Variants in CRISPLD1 observed in about 807,000 individuals in gnomAD.
CRISPLD1 encodes cysteine rich secretory protein LCCL domain containing 1.
CRISPLD1 carries 60 observed loss-of-function variants against 77.5 expected under a neutral mutation model. That is an observed-to-expected ratio of 0.77 (90% CI 0.63 to 0.96). The LOEUF (loss-of-function observed/expected upper bound fraction) is 0.96. CRISPLD1 is among the 40% of genes least tolerant of loss of function. The pLI is 0.00. For missense variants in CRISPLD1, 623 were observed against 615.8 expected, an observed-to-expected ratio of 1.01 and a Z score of -0.12; for synonymous variants, 195 against 200.1, an observed-to-expected ratio of 0.97 and a Z score of 0.22.
chr8:75,017,380 G>T lies in CRISPLD1; in HGVS notation c.1057G>T (p.Val353Leu). ...TATAATAGACAATGATGGTGGCTGG[G>T]TAGATATCACTAGACAAGGAAGAAA... is the stretch of plus-strand genomic sequence containing the variant. ...YGIIDNDGGW[V>L]DITRQGRKHY... Residue 353 changes from valine (V) to leucine (L), a missense_variant, in exon 10 of 15, where the codon GTA (valine) becomes TTA (leucine). By Grantham distance (32) the Val-to-Leu change is conservative (BLOSUM62 1). Coordinates refer to ENST00000262207, the MANE Select transcript of CRISPLD1 (RefSeq NM_031461.6). 1 of 1,611,132 alleles carries T rather than the reference G, an allele frequency of 6.2e-7. No homozygotes were observed. The highest frequency in any genetic ancestry group is 8.5e-7 in the Non-Finnish European group (1 of 1,178,506).
intron 4 of CRISPLD1, 56 bp from the exon 5 acceptor site, chr8:75,013,931 G>C: frequency 9.0e-7 from 1 of 1,112,510 alleles, no homozygotes; most frequent in Non-Finnish European, 1.4e-6. Context: ...TCTCAGAAGT[G>C]TTGTCCTATT....
chr8:75,015,029 ACTCTATTT>A (rs1813004256), intron 6 of CRISPLD1, 117 bp downstream of exon 6: 1 of 492,920 alleles, frequency 2.0e-6, no homozygotes, highest in Non-Finnish European at 3.6e-6. Flanking sequence ...AGTATCTAGA[ACTCTATTT>A]CAAATATTTT....
intron 13 of CRISPLD1, 47 bp downstream of exon 13, chr8:75,025,668 A>ACATG: frequency 1.0e-6 from 1 of 967,674 alleles, no homozygotes; most frequent in Non-Finnish European, 1.7e-6. Flanking sequence ...GTATATATAT[A>ACATG]AATGTATAGA....
chr8:75,030,814 G>A (rs1242113132), intron 14 of CRISPLD1, among the ~76,000 whole-genome samples: 1 of 151,250 alleles, frequency 6.6e-6, no homozygotes, highest in Non-Finnish European at 1.5e-5. Context: ...ATATGTGTAT[G>A]TGTATGTATA....
At position 75,019,818 on chromosome 8, in the gene CRISPLD1, G is replaced by C. The variant is rs957103539; in HGVS notation, c.1128-52G>C. ...CTTGAAAGATACCAGAAATGATGCT[G>C]CTGCTGATGCCTATATGAAAATAAT... is the stretch of plus-strand genomic sequence containing the variant. On this transcript the variant is annotated intron_variant, in intron 10 of 14. Coordinates refer to ENST00000262207, the MANE Select transcript of CRISPLD1 (RefSeq NM_031461.6). 2.1e-6 allele frequency: 3 copies of C among 1,398,380 alleles called. No homozygotes were observed. In the African/African-American group the frequency reaches 4.3e-5, roughly 20 times the overall value. 86.6% of individuals were successfully genotyped at this position (1,398,380 alleles called of 1,614,324 possible).
intron 4 of CRISPLD1, among the ~76,000 whole-genome samples, chr8:75,013,610 C>T (rs1443269862): frequency 6.6e-6 from 1 of 152,066 alleles, no homozygotes; most frequent in Non-Finnish European, 1.5e-5. Flanking sequence ...GAAATCTGAA[C>T]ATGTAAATTT....
intron 10 of CRISPLD1, among the ~76,000 whole-genome samples, chr8:75,018,597 G>T (rs1813078599): frequency 6.6e-6 from 1 of 150,384 alleles, no homozygotes; most frequent in African/African-American, 2.5e-5. Flanking sequence ...GGCTTATACA[G>T]TCTTATTAAA....
intron 2 of CRISPLD1, among the ~76,000 whole-genome samples, chr8:74,999,302 A>G (rs1033348713): frequency 6.6e-6 from 1 of 152,234 alleles, no homozygotes; most frequent in Non-Finnish European, 1.5e-5. Flanking sequence ...GACACAGTCT[A>G]TTTAGTAAGC....
At chr8:75,018,904 G>T (rs1587023712) in intron 10 of CRISPLD1, among the ~76,000 whole-genome samples, 1 of 152,092 alleles carries the variant, frequency 6.6e-6, no homozygotes, top group Non-Finnish European at 1.5e-5. Flanking sequence ...AAGTTCTATA[G>T]AAATATTCAT....
intron 2 of CRISPLD1, among the ~76,000 whole-genome samples, chr8:75,002,793 T>C (rs1563394732): frequency 6.6e-6 from 1 of 152,138 alleles, no homozygotes; most frequent in East Asian, 1.9e-4. Context: ...TAACTCAGTA[T>C]GTGGAGCTAT....
Position 75,032,358 on chromosome 8 carries a change from G to A in CRISPLD1, c.*116G>A, listed in dbSNP as rs1587036175. 5.1e-6 allele frequency: 3 copies of A among 590,406 alleles called. No homozygotes were observed. The highest frequency in any genetic ancestry group is 6.3e-5 in the East Asian group (2 of 31,928). 36.6% of individuals were successfully genotyped at this position (590,406 alleles called of 1,614,324 possible). ...CATCAACTATTTTCAGCCCAAAAAGGTGCCAAATGCATATAAATCTTGATA... is the reference window on the plus strand; with the variant it reads ...CATCAACTATTTTCAGCCCAAAAAGATGCCAAATGCATATAAATCTTGATA... On this transcript the variant is annotated 3_prime_UTR_variant, in exon 15 of 15. Coordinates refer to ENST00000262207, the MANE Select transcript of CRISPLD1 (RefSeq NM_031461.6).
chr8:74,990,586 TTA>T (rs1041926594), intron 2 of CRISPLD1, among the ~76,000 whole-genome samples: 10 of 146,348 alleles, frequency 6.8e-5, no homozygotes, highest in Admixed American at 3.3e-4. Flanking sequence ...AGCTTCATTT[TTA>T]TGTTTCCTAC....
At chr8:75,014,422 G>A (rs1812991208) in intron 5 of CRISPLD1, among the ~76,000 whole-genome samples, 1 of 152,076 alleles carries the variant, frequency 6.6e-6, no homozygotes, top group Non-Finnish European at 1.5e-5. Flanking sequence ...ATTGAGAAAT[G>A]TATTTTCATC....
chr8:75,029,782 T>C lies in CRISPLD1; in HGVS notation c.1451+265T>C, dbSNP rs144259389. On this transcript the variant is annotated intron_variant, in intron 14 of 14. Transcript: ENST00000262207. ...TCAGAACTACTCTTTTGTTAATTAGTCTTATAATTAGGAACTTTCTTTCAT... is the reference window on the plus strand; with the variant it reads ...TCAGAACTACTCTTTTGTTAATTAGCCTTATAATTAGGAACTTTCTTTCAT... Among the ~76,000 whole-genome samples the C allele has an allele frequency of 6.6e-5, 10 of 152,264 alleles. No individual in the cohort carries two copies. The East Asian group carries it at 1.9e-3, about 29-fold the overall frequency.
intron 12 of CRISPLD1, among the ~76,000 whole-genome samples, chr8:75,024,290 G>C (rs1813194649): frequency 6.6e-6 from 1 of 151,620 alleles, no homozygotes; most frequent in Non-Finnish European, 1.5e-5. Context: ...ATTTGGAGCA[G>C]AGGAATGATG....
chr8:75,029,452 T>TG lies in CRISPLD1; in HGVS notation c.1387dup (p.Val463GlyfsTer61), dbSNP rs1563404594. ...TTCGAAATCACGGTGGTTATGTTGA[T>TG]GTAATGCCTGTGGACAAAAGAAAGA... On this transcript the variant is annotated frameshift_variant, in exon 14 of 15. Coordinates refer to ENST00000262207, the MANE Select transcript of CRISPLD1 (RefSeq NM_031461.6). LOFTEE classifies it high-confidence loss of function. 1.2e-6 allele frequency: 2 copies of TG among 1,613,866 alleles called. No homozygotes were observed. Among genetic ancestry groups the TG allele is most frequent in the Non-Finnish European group, 8.5e-7 (1 of 1,179,794 alleles).
chr8:74,986,435 T>TATGTCA (rs559687168), intron 2 of CRISPLD1, among the ~76,000 whole-genome samples, 190 bp downstream of exon 2: 75 of 152,316 alleles, frequency 4.9e-4, no homozygotes, highest in African/African-American at 1.8e-3. Flanking sequence ...ACATTCAGAG[T>TATGTCA]AGGACGAAAT....
chr8:75,029,100 C>T (rs1407285605), intron 13 of CRISPLD1, among the ~76,000 whole-genome samples: 1 of 152,168 alleles, frequency 6.6e-6, no homozygotes, highest in African/African-American at 2.4e-5. Context: ...CTTTGATACT[C>T]TAAAGCCTAC....
chr8:74,993,831 T>G (rs182360796), intron 2 of CRISPLD1, among the ~76,000 whole-genome samples: 23 of 152,316 alleles, frequency 1.5e-4, no homozygotes, highest in South Asian at 4.1e-4. Flanking sequence ...TGCCAGGCAC[T>G]ATCTAGGGTT....
Sources: gnomAD v4.1 joint callset for allele counts (sites outside exome capture counted in the v4.1 genomes callset) on GRCh38, gnomAD v4.1.1 for gene constraint, MANE v1.5 for transcripts, NCBI Gene and HGNC (gene_info 2026-07-23, HGNC 2026-07-21) for gene names.